Variants in NHSL1 observed in about 807,000 individuals in gnomAD.
NHSL1 encodes the protein NHS like 1.
In NHSL1, 48 loss-of-function variants were observed where a neutral mutation model predicts 95.0. That is an observed-to-expected ratio of 0.51 (90% CI 0.40 to 0.64). The LOEUF (loss-of-function observed/expected upper bound fraction) is 0.64. NHSL1 is among the 30% of genes least tolerant of loss of function. The pLI, the probability that NHSL1 is intolerant of heterozygous loss-of-function variation, is 0.00. For synonymous variants in NHSL1, 783 were observed against 833.9 expected (o/e 0.94, Z 1.05); for missense variants, 1,971 against 2,077.7 (o/e 0.95, Z 1.00).
chr6:138,663,050 C>A (rs1304606896), intron 1 of NHSL1, among the ~76,000 whole-genome samples: 1 of 128,394 alleles, frequency 7.8e-6, no homozygotes, highest in African/African-American at 3.3e-5. Flanking sequence ...AATATGTTCA[C>A]CGAACTCACG....
chr6:138,558,119 T>A (rs1783262267), intron 1 of NHSL1, among the ~76,000 whole-genome samples: 1 of 151,884 alleles, frequency 6.6e-6, no homozygotes, highest in Admixed American at 6.6e-5. Context: ...ATTACCAGGG[T>A]TTTTTGGGGG....
intron 3 of NHSL1, among the ~76,000 whole-genome samples, chr6:138,467,191 C>T (rs967941997): frequency 2.0e-5 from 3 of 151,820 alleles, no homozygotes; most frequent in East Asian, 1.9e-4. Context: ...ATCTCGCTGT[C>T]GCCCAGGCTG....
intron 1 of NHSL1, among the ~76,000 whole-genome samples, chr6:138,555,165 T>C (rs79437489): frequency 0.031 from 4,790 of 152,308 alleles, 106 homozygotes; most frequent in East Asian, 0.056. Flanking sequence ...CTCTTGATCA[T>C]GCCGAACATG....
At chr6:138,599,449 C>T (rs1356834176) in intron 1 of NHSL1, among the ~76,000 whole-genome samples, 1 of 152,006 alleles carries the variant, frequency 6.6e-6, no homozygotes, top group African/African-American at 2.4e-5. Context: ...GAGACTGAGG[C>T]TGCAGTGAGC....
chr6:138,443,808 C>A (rs750352255), intron 4 of NHSL1, among the ~76,000 whole-genome samples: 1 of 152,016 alleles, frequency 6.6e-6, no homozygotes, highest in Non-Finnish European at 1.5e-5. Context: ...CCAGCATGGG[C>A]GACAGAGTGA....
At chr6:138,542,516 C>T (rs548098167) in intron 1 of NHSL1, among the ~76,000 whole-genome samples, 6 of 152,168 alleles carry the variant, frequency 3.9e-5, no homozygotes, top group Non-Finnish European at 7.3e-5. Context: ...AGCTGTTTGA[C>T]AATGTGGTGA....
In NHSL1 at chr6:138,442,080, C is replaced by T; in HGVS notation, c.567G>A (p.Arg189=). 4 of 1,550,868 alleles carry T rather than the reference C, an allele frequency of 2.6e-6. No individual in the cohort carries two copies. Among genetic ancestry groups the T allele is most frequent in the Non-Finnish European group, 3.5e-6 (4 of 1,146,726 alleles). The change falls in exon 5 of 8, where the codon CGG becomes CGA. Residue 189 remains arginine, a synonymous_variant. Transcript: ENST00000343505. ...CCAGAGTGTCTGTGTAAATTAGAGA[C>T]CGCCGAAGGCTGGCCTGGCGATCGA... ...ENFDRQASLR[R]SLIYTDTLVR... is the part of the protein sequence containing the mutation.
chr6:138,635,865 G>A (rs1397095812), intron 1 of NHSL1, among the ~76,000 whole-genome samples: 1 of 150,686 alleles, frequency 6.6e-6, no homozygotes. Flanking sequence ...AGTAATCCCA[G>A]CACTTTGGGA....
chr6:138,429,807 G>A lies in NHSL1; in HGVS notation c.3989C>T (p.Ser1330Leu), dbSNP rs1161462867. ...TTCCTTGAGGAAGTCACAGGCCTCT[G>A]AGGATGAACCGGCTGCGTTGGTCTC... ...VPETNAAGSS[S>L]EACDFLKEDG... The change falls in exon 7 of 8, where the codon TCA becomes TTA. Residue 1330 changes from serine (S) to leucine (L), a missense_variant. By Grantham distance (145) the Ser-to-Leu change is moderately radical (BLOSUM62 -2). Transcript: ENST00000343505. The A allele has an allele frequency of 1.9e-6, 3 of 1,551,608 alleles. No homozygotes were observed. The highest frequency in any genetic ancestry group is 1.4e-5 in the African/African-American group (1 of 73,050).
chr6:138,690,542 A>G lies in NHSL1; in HGVS notation c.96+1934T>C, dbSNP rs558063738. On this transcript the variant is annotated intron_variant, in intron 1 of 3. Coordinates refer to the NHSL1 transcript ENST00000491526. ...GATCGCCTGAGGTTGGGAGTTAAAGACCAGCCTGACAAACATGGCGAAACC... is the reference window on the plus strand; with the variant it reads ...GATCGCCTGAGGTTGGGAGTTAAAGGCCAGCCTGACAAACATGGCGAAACC... 5.9e-4 allele frequency among the ~76,000 whole-genome samples: 90 copies of G among 152,188 alleles called. 1 individual carries two copies. In the South Asian group the frequency reaches 0.011, roughly 18 times the overall value.
At chr6:138,575,690 T>G (rs1783958807), upstream of NHSL1, among the ~76,000 whole-genome samples, 1 of 152,230 alleles carries the variant, frequency 6.6e-6, no homozygotes, top group Non-Finnish European at 1.5e-5. Flanking sequence ...GCTTTGTAGG[T>G]AATAATTAGA....
At chr6:138,552,364 G>A (rs565365111) in intron 1 of NHSL1, among the ~76,000 whole-genome samples, 2 of 152,228 alleles carry the variant, frequency 1.3e-5, no homozygotes, top group South Asian at 4.1e-4. Flanking sequence ...AGGTTGCAGT[G>A]AGCTGAGATC....
chr6:138,455,306 T>A (rs915370768), intron 3 of NHSL1, among the ~76,000 whole-genome samples: 1 of 152,102 alleles, frequency 6.6e-6, no homozygotes, highest in Non-Finnish European at 1.5e-5. Context: ...ACTTAAAAAC[T>A]TTTTTGGGGG....
intron 3 of NHSL1, among the ~76,000 whole-genome samples, chr6:138,453,672 G>A (rs59800336): frequency 0.13 from 20,200 of 151,658 alleles, 1,358 homozygotes; most frequent in Middle Eastern, 0.17. Flanking sequence ...TCAGCCTCCC[G>A]AGTAACTAGG....
At chr6:138,531,944 C>T (rs566830268) in intron 1 of NHSL1, among the ~76,000 whole-genome samples, 28 of 152,244 alleles carry the variant, frequency 1.8e-4, no homozygotes, top group African/African-American at 5.5e-4. Context: ...ATGAACAATA[C>T]ACATTCCCTA....
intron 1 of NHSL1, among the ~76,000 whole-genome samples, chr6:138,649,403 T>C (rs1181655985): frequency 6.6e-6 from 1 of 151,650 alleles, no homozygotes; most frequent in Non-Finnish European, 1.5e-5. Flanking sequence ...ATATATATCC[T>C]TATTTCCTTC....
At chr6:138,494,849 CT>C (rs1261820485) in intron 2 of NHSL1, among the ~76,000 whole-genome samples, 2 of 152,166 alleles carry the variant, frequency 1.3e-5, no homozygotes, top group Non-Finnish European at 2.9e-5. Context: ...AAGAAAAAGT[CT>C]CTGAATTTTA....
chr6:138,584,439 A>G (rs77485956), intron 1 of NHSL1, among the ~76,000 whole-genome samples: 3,727 of 152,322 alleles, frequency 0.024, 145 homozygotes, highest in African/African-American at 0.081. Flanking sequence ...AGCCATGTGC[A>G]CGGCCAACTC....
intron 1 of NHSL1, among the ~76,000 whole-genome samples, chr6:138,657,841 G>GA (rs943360875): frequency 1.9e-4 from 25 of 132,276 alleles, no homozygotes; most frequent in Non-Finnish European, 3.7e-4. Flanking sequence ...AAAAAAGAAA[G>GA]AAAAAAAGAG....
Sources: allele counts gnomAD v4.1 joint callset (sites outside exome capture counted in the v4.1 genomes callset), GRCh38; gene constraint gnomAD v4.1.1; transcripts MANE v1.5; gene names NCBI Gene and HGNC (gene_info 2026-07-23, HGNC 2026-07-21).